SAMD5: variants seen among roughly 807,000 people sequenced by gnomAD.
SAMD5 encodes the protein sterile alpha motif domain containing 5, also known as sterile alpha motif domain-containing protein 5.
SAMD5 carries 13 observed loss-of-function variants against 11.3 expected under a neutral mutation model. That is an observed-to-expected ratio of 1.15 (90% CI 0.75 to 1.83). The LOEUF is 1.83. Ranked by LOEUF, SAMD5 falls within the 40% of genes most tolerant of loss-of-function variation. The probability of loss-of-function intolerance (pLI) is 0.00; values close to 1 mark genes in which losing one functional copy is unlikely to be tolerated. For missense variants in SAMD5, 255 were observed against 239.1 expected (o/e 1.07, Z -0.44); for synonymous variants, 129 against 111.3 (o/e 1.16, Z -1.00).
At chr6:147,654,277 A>G (rs573356002) in intron 1 of SAMD5, among the ~76,000 whole-genome samples, 1 of 152,292 alleles carries the variant, frequency 6.6e-6, no homozygotes, top group East Asian at 1.9e-4. Context: ...TTTCTTGAAG[A>G]TGGAGAGACC....
At chr6:147,541,694 A>G (rs1020142633) in intron 1 of SAMD5, among the ~76,000 whole-genome samples, 1 of 152,122 alleles carries the variant, frequency 6.6e-6, no homozygotes, top group Non-Finnish European at 1.5e-5. Flanking sequence ...ATACAAACAC[A>G]CACAAAGACG....
chr6:147,801,273 T>C, the SAMD5 span, among the ~76,000 whole-genome samples: 1 of 152,184 alleles, frequency 6.6e-6, no homozygotes, highest in East Asian at 1.9e-4. Context: ...ATTAAGTGAC[T>C]TTACCCACTC....
the SAMD5 span, among the ~76,000 whole-genome samples, chr6:147,889,733 T>A: frequency 2.0e-5 from 3 of 152,202 alleles, no homozygotes; most frequent in Non-Finnish European, 4.4e-5. Flanking sequence ...GAACACACAC[T>A]ACTCCTGGGC....
At chr6:147,798,865 G>A in the SAMD5 span, among the ~76,000 whole-genome samples, 1 of 152,086 alleles carries the variant, frequency 6.6e-6, no homozygotes, top group Non-Finnish European at 1.5e-5. Context: ...TTTAAAGTCT[G>A]TTTTATCAGA....
chr6:147,946,796 C>T, the SAMD5 span, among the ~76,000 whole-genome samples: 17 of 152,138 alleles, frequency 1.1e-4, no homozygotes, highest in Non-Finnish European at 2.5e-4. Context: ...TACTTTATAA[C>T]TAATTAGCAA....
chr6:147,798,966 A>G, the SAMD5 span, among the ~76,000 whole-genome samples: 2 of 152,098 alleles, frequency 1.3e-5, no homozygotes, highest in Non-Finnish European at 2.9e-5. Context: ...GTGTGTCTCT[A>G]CACGTGAGAT....
At chr6:147,916,260 A>G in the SAMD5 span, among the ~76,000 whole-genome samples, 1 of 152,120 alleles carries the variant, frequency 6.6e-6, no homozygotes, top group Admixed American at 6.5e-5. Context: ...TCCTTTGGGT[A>G]TATACCCAGT....
At chr6:147,558,796 C>T (rs1339266281) in intron 1 of SAMD5, among the ~76,000 whole-genome samples, 1 of 152,124 alleles carries the variant, frequency 6.6e-6, no homozygotes, top group East Asian at 1.9e-4. Context: ...CCCTTTAAGG[C>T]TAACTCCCAC....
chr6:147,613,616 C>T (rs943223435), intron 1 of SAMD5, among the ~76,000 whole-genome samples: 3 of 151,764 alleles, frequency 2.0e-5, no homozygotes, highest in African/African-American at 7.3e-5. Flanking sequence ...AAATGTTTGT[C>T]AAGTGAATTC....
At chr6:147,661,916 A>G (rs1790653950) in intron 1 of SAMD5, among the ~76,000 whole-genome samples, 1 of 152,244 alleles carries the variant, frequency 6.6e-6, no homozygotes, top group Non-Finnish European at 1.5e-5. Context: ...GGCGTGAGCC[A>G]CCACGCCCGG....
chr6:147,659,927 A>G (rs7454111), intron 1 of SAMD5, among the ~76,000 whole-genome samples: 13,527 of 151,968 alleles, frequency 0.089, 899 homozygotes, highest in East Asian at 0.26. Flanking sequence ...GAGAGGGAGG[A>G]GAGTTGGCCA....
the SAMD5 span, among the ~76,000 whole-genome samples, chr6:147,909,922 C>T: frequency 1.3e-5 from 2 of 151,984 alleles, no homozygotes; most frequent in South Asian, 2.1e-4. Context: ...GTCAGGTGTT[C>T]GTGTGGACCC....
At chr6:147,624,360 A>G (rs1321071289) in intron 1 of SAMD5, among the ~76,000 whole-genome samples, 1 of 151,824 alleles carries the variant, frequency 6.6e-6, no homozygotes. Context: ...TGCCCCAAAG[A>G]ACACAGGCCA....
intron 1 of SAMD5, among the ~76,000 whole-genome samples, chr6:147,614,275 C>G (rs745572237): frequency 1.3e-5 from 2 of 151,716 alleles, no homozygotes; most frequent in Non-Finnish European, 2.9e-5. Flanking sequence ...CGAGACCAGC[C>G]TAATCAACAT....
chr6:147,743,707 ATTG>A, the SAMD5 span, among the ~76,000 whole-genome samples: 1 of 152,182 alleles, frequency 6.6e-6, no homozygotes, highest in African/African-American at 2.4e-5. Flanking sequence ...TCAGATGACA[ATTG>A]TTATCTCTTT....
intron 1 of SAMD5, among the ~76,000 whole-genome samples, chr6:147,528,253 GC>G (rs1240987059): frequency 6.6e-6 from 1 of 152,162 alleles, no homozygotes. Flanking sequence ...TGCTATGCCT[GC>G]CCTAATAAAA....
chr6:147,948,240 C>G, the SAMD5 span, among the ~76,000 whole-genome samples: 1 of 145,474 alleles, frequency 6.9e-6, no homozygotes, highest in African/African-American at 2.6e-5. Flanking sequence ...AAAGAATTAC[C>G]AAGGAGCTAT....
At chr6:147,933,804 T>G in the SAMD5 span, among the ~76,000 whole-genome samples, 1 of 152,188 alleles carries the variant, frequency 6.6e-6, no homozygotes, top group African/African-American at 2.4e-5. Flanking sequence ...GAAAATGCAT[T>G]GGGTCTATTT....
downstream of SAMD5, among the ~76,000 whole-genome samples, chr6:147,740,117 C>T (rs1249392150): frequency 6.6e-6 from 1 of 152,194 alleles, no homozygotes; most frequent in Non-Finnish European, 1.5e-5. Flanking sequence ...CACACCCGAC[C>T]ATTTATACTA....
Sources: gnomAD v4.1 joint callset for allele counts (sites outside exome capture counted in the v4.1 genomes callset) on GRCh38, gnomAD v4.1.1 for gene constraint, MANE v1.5 for transcripts, NCBI Gene and HGNC (gene_info 2026-07-23, HGNC 2026-07-21) for gene names.